Variants in TRIM29 observed in about 807,000 individuals in gnomAD.
TRIM29 encodes the protein tripartite motif-containing protein 29.
TRIM29 carries 52 observed loss-of-function variants against 57.3 expected under a neutral mutation model. The ratio of observed to expected loss-of-function variants is 0.91; its 90% CI spans 0.73 to 1.14. The LOEUF (loss-of-function observed/expected upper bound fraction) is 1.14. Among genes scored for constraint, TRIM29 ranks in the 50% most tolerant of loss-of-function variants. TRIM29 has a pLI of 0.00. For missense variants in TRIM29, 753 were observed against 774.6 expected (o/e 0.97, Z 0.33); for synonymous variants, 319 against 316.9 (o/e 1.01, Z -0.07).
chr11:120,135,407 A>C (rs890846463), intron 1 of TRIM29, among the ~76,000 whole-genome samples: 1 of 152,138 alleles, frequency 6.6e-6, no homozygotes, highest in East Asian at 1.9e-4. Flanking sequence ...TGAGCGTGGA[A>C]AGGACTTATT....
Position 120,112,495 on chromosome 11 carries a change from T to A in TRIM29, c.1705-19A>T, listed in dbSNP as rs780774448. ...AGTGAGACTGTGGGGGAAACAAGAG[T>A]GGTCAGCGAGGCCAGACGACAGATG... On this transcript the variant is annotated intron_variant, in intron 8 of 8. Coordinates refer to ENST00000341846, the MANE Select transcript of TRIM29 (RefSeq NM_012101.4). 2 of 1,612,952 alleles carry A rather than the reference T, an allele frequency of 1.2e-6. No individual in the cohort carries two copies. The highest frequency in any genetic ancestry group is 1.7e-6 in the Non-Finnish European group (2 of 1,179,472).
In TRIM29 at chr11:120,118,298, C is replaced by T. The variant is rs1372237711; in HGVS notation, c.1552G>A (p.Glu518Lys). ...GAGTTCTGAATGCTGGAGGAGTACTCCCAGACCCGGGAGGTGTAGTTACCT... is the reference window on the plus strand; with the variant it reads ...GAGTTCTGAATGCTGGAGGAGTACTTCCAGACCCGGGAGGTGTAGTTACCT... The part of the protein sequence containing the change: ...TKGNYTSRVW[E>K]YSSSIQNSDN... Residue 518 changes from glutamate (E) to lysine (K), a missense_variant, in exon 7 of 9, where the codon GAG becomes AAG. Glu to Lys is a moderately conservative substitution (Grantham distance 56, BLOSUM62 1). Transcript: ENST00000341846. 6.2e-7 allele frequency: 1 copy of T among 1,613,642 alleles called. No homozygotes were observed. Among genetic ancestry groups the T allele is most frequent in the Admixed American group, 1.7e-5 (1 of 59,970 alleles).
chr11:120,134,556 G>A (rs563831138), intron 1 of TRIM29, among the ~76,000 whole-genome samples: 13 of 152,290 alleles, frequency 8.5e-5, no homozygotes, highest in South Asian at 2.1e-4. Context: ...GAGCCAGGCC[G>A]AGACAGCCCG....
chr11:120,126,116 C>T lies in TRIM29; in HGVS notation c.1135-227G>A, dbSNP rs1322240151. The T allele has an allele frequency of 2.4e-5, 13 of 552,996 alleles. No homozygotes were observed. In the East Asian group the frequency reaches 3.9e-4, roughly 16 times the overall value. 34.3% of individuals were successfully genotyped at this position (552,996 alleles called of 1,614,324 possible). On this transcript the variant is annotated intron_variant, in intron 3 of 8. Transcript: ENST00000341846. ...TTCAGATGTGTGACTCCACGACTCC[C>T]ACCTCTAAAGTGGGTGCATCTGTTT...
At position 120,137,382 on chromosome 11, in the gene TRIM29, A is replaced by G; in HGVS notation, c.650T>C (p.Ile217Thr). ...ACACTTGCGGGCCTCAAAGTCCCGG[A>G]TGGGCTCGAGCAGCTGGTGGTCTCG... is the stretch of plus-strand genomic sequence containing the variant. ...AFRDHQLLEPIRDFEARKCPV... is the reference protein window; with the variant it reads ...AFRDHQLLEPTRDFEARKCPV... The change falls in exon 1 of 9, where the codon ATC becomes ACC. Residue 217 changes from isoleucine (I) to threonine (T), a missense_variant. Transcript: ENST00000341846. The surrounding 1 kb of genome is among the most constrained non-coding windows in gnomAD (Gnocchi z 6.2). 1 of 1,613,246 alleles carries G rather than the reference A, an allele frequency of 6.2e-7. No individual in the cohort carries two copies. The highest frequency in any genetic ancestry group is 8.5e-7 in the Non-Finnish European group (1 of 1,179,990).
rs1431349216 is a variant in TRIM29, at chr11:120,127,562, G to T, written c.908C>A (p.Thr303Asn). The change falls in exon 3 of 9, where the codon ACC (threonine) becomes AAC (asparagine). Residue 303 changes from threonine to asparagine, a missense_variant. Transcript: ENST00000341846. Reference sequence around the variant, plus strand: ...CTCCAGGATGGCCTTCTCATTGGTGGTGAAGCTCTGGAGGTCCAGAGTCAG... The same window carrying T: ...CTCCAGGATGGCCTTCTCATTGGTGTTGAAGCTCTGGAGGTCCAGAGTCAG... Reference protein sequence around the residue: ...QKEKDRIKSFTTNEKAILEQN... With the variant: ...QKEKDRIKSFNTNEKAILEQN... 1 of 1,613,776 alleles carries T rather than the reference G, an allele frequency of 6.2e-7. No homozygotes were observed. The highest frequency in any genetic ancestry group is 8.5e-7 in the Non-Finnish European group (1 of 1,179,794).
intron 1 of TRIM29, among the ~76,000 whole-genome samples, chr11:120,133,613 C>T (rs1863759899): frequency 6.6e-6 from 1 of 152,210 alleles, no homozygotes; most frequent in Non-Finnish European, 1.5e-5. Context: ...GAAAGTGGGC[C>T]CAGCCCCTCC....
At chr11:120,115,473 GC>G (rs56828071) in intron 7 of TRIM29, 59 bp from the exon 8 acceptor site, 25,210 of 1,450,344 alleles carry the variant, frequency 0.017, 1,157 homozygotes, top group East Asian at 0.16. Flanking sequence ...GGGTGCCCGG[GC>G]CCAGAGCAGC....
In TRIM29 at chr11:120,137,819, C is replaced by A. The variant is rs551223628; in HGVS notation, c.213G>T (p.Ala71=). The change falls in exon 1 of 9, where the codon GCG becomes GCT. Residue 71 remains alanine (A), a synonymous_variant. Transcript: ENST00000341846. The surrounding 1 kb of genome is among the most constrained non-coding windows in gnomAD (Gnocchi z 6.2). Reference sequence around the variant, plus strand: ...TGATGGGTCGCCGCCACTCATTGCCCGCGAACAGGGCGCTCCTACCTTCCC... The same window carrying A: ...TGATGGGTCGCCGCCACTCATTGCCAGCGAACAGGGCGCTCCTACCTTCCC... ...KPGEGRSALF[A]GNEWRRPIIQ... 1.2e-6 allele frequency: 2 copies of A among 1,612,602 alleles called. No homozygotes were observed. The highest frequency in any genetic ancestry group is 2.2e-5 in the South Asian group (2 of 91,084).
intron 5 of TRIM29, among the ~76,000 whole-genome samples, chr11:120,122,650 G>A (rs1313432610): frequency 6.6e-6 from 1 of 152,238 alleles, no homozygotes; most frequent in East Asian, 1.9e-4. Context: ...AGAAGCAGAG[G>A]TGTGGGCTGG....
Position 120,137,139 on chromosome 11 carries a change from C to A in TRIM29, c.804+89G>T. ...ACAGTAGAAACTTAAGCCCCAAACC[C>A]GAGGAAGCCCGAGTGGAGAAGATGA... is the stretch of plus-strand genomic sequence containing the variant. On this transcript the variant is annotated intron_variant, in intron 1 of 8. Coordinates refer to ENST00000341846, the MANE Select transcript of TRIM29 (RefSeq NM_012101.4). This position sits in a 1 kb window ranked among gnomAD's most constrained non-coding sequence, Gnocchi z 6.2. 1 of 1,454,346 alleles carries A rather than the reference C, an allele frequency of 6.9e-7. No homozygotes were observed. The highest frequency in any genetic ancestry group is 1.2e-5 in the South Asian group (1 of 80,080). 90.1% of individuals were successfully genotyped at this position (1,454,346 alleles called of 1,614,324 possible). A position where few individuals can be genotyped will look rare whatever the true frequency, so the allele number is the denominator to read the frequency against.
rs552352897 is a variant in TRIM29, at chr11:120,115,321, G to A, written c.1704+17C>T. 7.6e-5 allele frequency: 123 copies of A among 1,611,230 alleles called. No individual in the cohort carries two copies. Among genetic ancestry groups the A allele is most frequent in the Admixed American group, 4.2e-4 (25 of 59,720 alleles). ...TCTCTGGATGTGCCCAGGCCCTCCC[G>A]GCAGCACTTCCCTTACCAGCATAGT... is the stretch of plus-strand genomic sequence containing the variant. On this transcript the variant is annotated intron_variant, in intron 8 of 8. Transcript: ENST00000341846.
intron 1 of TRIM29, among the ~76,000 whole-genome samples, chr11:120,130,257 G>A (rs1863692164): frequency 6.6e-6 from 1 of 152,136 alleles, no homozygotes; most frequent in Admixed American, 6.5e-5. Flanking sequence ...TCTCATCCCT[G>A]GAGAACTCCT....
intron 4 of TRIM29, chr11:120,124,708 G>A (rs1863542837): frequency 6.6e-6 from 1 of 152,166 alleles, no homozygotes; most frequent in South Asian, 2.1e-4. Flanking sequence ...TGATTGTCTT[G>A]CTGAAATGGC....
chr11:120,123,066 G>C lies in TRIM29; in HGVS notation c.1334-11C>G, dbSNP rs1204326363. 3 of 1,613,816 alleles carry C rather than the reference G, an allele frequency of 1.9e-6. No individual in the cohort carries two copies. Among genetic ancestry groups the C allele is most frequent in the Non-Finnish European group, 2.5e-6 (3 of 1,179,828 alleles). On this transcript the variant is annotated splice_polypyrimidine_tract_variant and intron_variant, in intron 4 of 8. Transcript: ENST00000341846. ...AGCGATGGTCACCACCTAGGAAGCA[G>C]AGGGTCGGGTCAGCAGAGGAGCCAG...
intron 3 of TRIM29, chr11:120,126,258 CTT>C (rs35133292): frequency 3.2e-3 from 495 of 152,642 alleles, no homozygotes; most frequent in Non-Finnish European, 4.6e-3. Context: ...TTCTTTCTTT[CTT>C]TTTTTTTTTT....
chr11:120,122,131 AGTGTGTGTGT>A (rs72245071), intron 5 of TRIM29: 14 of 203,928 alleles, frequency 6.9e-5, no homozygotes, highest in East Asian at 1.5e-4. Flanking sequence ...TGTGTGTGTG[AGTGTGTGTGT>A]GTGTGTGTGT....
chr11:120,135,550 C>G (rs529469656), intron 1 of TRIM29, among the ~76,000 whole-genome samples: 44 of 152,268 alleles, frequency 2.9e-4, no homozygotes, highest in Admixed American at 1.2e-3. Context: ...GTCTAACCTC[C>G]CAAGTAAACT....
intron 7 of TRIM29, chr11:120,117,538 AG>A (rs1407550590): frequency 6.5e-6 from 1 of 153,972 alleles, no homozygotes; most frequent in Non-Finnish European, 1.4e-5. Flanking sequence ...GAAGAGAGAC[AG>A]GGTTACTCCC....
Sources: allele counts gnomAD v4.1 joint callset (sites outside exome capture counted in the v4.1 genomes callset), GRCh38; gene constraint gnomAD v4.1.1; non-coding constraint Gnocchi (gnomAD v3.1); transcripts MANE v1.5; gene names NCBI Gene and HGNC (gene_info 2026-07-23, HGNC 2026-07-21).